Variants in GRM7 observed in about 807,000 individuals in gnomAD.
GRM7 encodes the protein glutamate metabotropic receptor 7, also known as metabotropic glutamate receptor 7.
Under a neutral mutation model 84.5 loss-of-function variants are expected in GRM7, and 35 were observed. The observed-to-expected ratio is 0.41, with a 90% CI of 0.32 to 0.55. The LOEUF is 0.55. Ranked by LOEUF, GRM7 falls within the 20% of genes least tolerant of loss-of-function variation. GRM7 has a pLI of 0.19. For missense variants in GRM7, 1,003 were observed against 1,194.6 expected, an observed-to-expected ratio of 0.84 and a Z score of 2.36; for synonymous variants, 487 against 455.1, an observed-to-expected ratio of 1.07 and a Z score of -0.89.
Position 7,440,231 on chromosome 3 carries a change from C to T in GRM7, c.1175-12376C>T, listed in dbSNP as rs150016346. ...TTGAGCCTAGGAAAATGCAGGTGAACTTTGGAAGTGAATTCAAGTGTAAAG... is the reference window on the plus strand; with the variant it reads ...TTGAGCCTAGGAAAATGCAGGTGAATTTTGGAAGTGAATTCAAGTGTAAAG... On this transcript the variant is annotated intron_variant, in intron 5 of 9. Coordinates refer to ENST00000357716, the MANE Select transcript of GRM7 (RefSeq NM_000844.4). Among the ~76,000 whole-genome samples the T allele has an allele frequency of 4.6e-4, 70 of 152,234 alleles. 1 individual carries two copies. In the East Asian group the frequency reaches 0.013, roughly 29 times the overall value.
At chr3:6,948,354 G>A (rs1487665608) in intron 1 of GRM7, among the ~76,000 whole-genome samples, 1 of 152,208 alleles carries the variant, frequency 6.6e-6, no homozygotes, top group Non-Finnish European at 1.5e-5. Flanking sequence ...TTCCCATGTA[G>A]CTGAGCGGTT....
intron 1 of GRM7, among the ~76,000 whole-genome samples, chr3:7,096,117 T>C (rs559105616): frequency 1.6e-4 from 25 of 152,242 alleles, no homozygotes; most frequent in African/African-American, 6.0e-4. Context: ...AGTGAAAATA[T>C]TCTGCTCTCC....
chr3:7,307,986 G>A (rs373957648), intron 4 of GRM7, among the ~76,000 whole-genome samples: 1 of 152,278 alleles, frequency 6.6e-6, no homozygotes, highest in South Asian at 2.1e-4. Context: ...TAGGGTGGTG[G>A]TGATATGGTT....
intron 9 of GRM7, among the ~76,000 whole-genome samples, chr3:7,697,446 C>T (rs558659362): frequency 1.3e-5 from 2 of 152,040 alleles, no homozygotes; most frequent in African/African-American, 2.4e-5. Flanking sequence ...GTTTTAGAAC[C>T]CGTTCTGATC....
intron 2 of GRM7, among the ~76,000 whole-genome samples, chr3:7,148,558 C>G (rs999659820): frequency 6.6e-6 from 1 of 152,118 alleles, no homozygotes; most frequent in African/African-American, 2.4e-5. Context: ...AATGTTTGCT[C>G]TGGGTCTTTA....
chr3:6,927,487 A>T (rs745456274), intron 1 of GRM7, among the ~76,000 whole-genome samples: 21 of 117,506 alleles, frequency 1.8e-4, no homozygotes, highest in South Asian at 1.5e-3. Context: ...GAAAGAAAGA[A>T]AGAAAGAAAG....
intron 9 of GRM7, among the ~76,000 whole-genome samples, chr3:7,688,930 C>G (rs1700688788): frequency 6.6e-6 from 1 of 152,218 alleles, no homozygotes. Context: ...TCTCAGGTGA[C>G]AAACACTCTC....
At chr3:7,136,547 C>G (rs376430123) in intron 1 of GRM7, among the ~76,000 whole-genome samples, 1 of 146,422 alleles carries the variant, frequency 6.8e-6, no homozygotes, top group African/African-American at 2.7e-5. Flanking sequence ...AAAAGTATGC[C>G]GAGGAAAAGA....
intron 4 of GRM7, among the ~76,000 whole-genome samples, chr3:7,399,889 A>G (rs1695375603): frequency 6.6e-6 from 1 of 152,160 alleles, no homozygotes; most frequent in South Asian, 2.1e-4. Flanking sequence ...CTGAAGAACC[A>G]TGAGCCAAAT....
At chr3:7,136,468 G>T (rs1693775505) in intron 1 of GRM7, among the ~76,000 whole-genome samples, 1 of 151,958 alleles carries the variant, frequency 6.6e-6, no homozygotes, top group African/African-American at 2.4e-5. Flanking sequence ...CTTCCTAAAT[G>T]ACTTCCTTGG....
intron 2 of GRM7, among the ~76,000 whole-genome samples, chr3:7,176,999 A>C (rs1303978357): frequency 6.6e-6 from 1 of 152,224 alleles, no homozygotes; most frequent in Non-Finnish European, 1.5e-5. Context: ...GTACAAACTA[A>C]GTTCCAGCCA....
intron 1 of GRM7, among the ~76,000 whole-genome samples, chr3:7,030,888 T>C (rs1247269437): frequency 6.6e-6 from 1 of 152,216 alleles, no homozygotes; most frequent in East Asian, 1.9e-4. Context: ...AGAATTAAGT[T>C]TACTAAAACT....
intron 9 of GRM7, among the ~76,000 whole-genome samples, chr3:7,727,630 A>G (rs1370957926): frequency 6.6e-6 from 1 of 152,198 alleles, no homozygotes; most frequent in Non-Finnish European, 1.5e-5. Context: ...CCTATGTATG[A>G]GAAGTGACTT....
chr3:7,731,247 G>C (rs750333232), intron 9 of GRM7, among the ~76,000 whole-genome samples: 6 of 152,010 alleles, frequency 3.9e-5, no homozygotes, highest in Non-Finnish European at 7.4e-5. Flanking sequence ...AATCTGATGA[G>C]TTATAATAAG....
intron 1 of GRM7, among the ~76,000 whole-genome samples, chr3:7,092,425 A>C (rs879355305): frequency 6.6e-6 from 1 of 152,154 alleles, no homozygotes; most frequent in Non-Finnish European, 1.5e-5. Context: ...GTCTCGGGCA[A>C]TTGACAATCA....
chr3:7,225,027 A>G (rs1020121763), intron 2 of GRM7, among the ~76,000 whole-genome samples: 2 of 152,152 alleles, frequency 1.3e-5, no homozygotes, highest in Non-Finnish European at 2.9e-5. Flanking sequence ...GCTATTTAAT[A>G]TAATATTTAG....
chr3:7,441,472 TGTGTAGAAGCTCTTTAGTATA>T (rs1697284165), intron 5 of GRM7, among the ~76,000 whole-genome samples: 1 of 152,200 alleles, frequency 6.6e-6, no homozygotes, highest in African/African-American at 2.4e-5. Flanking sequence ...TTTCTTTTGC[TGTGTAGAAGCTCTTTAGTATA>T]AATAGGTCAC....
At chr3:7,461,493 C>A (rs964295004) in intron 6 of GRM7, 90 bp from the exon 7 acceptor site, 100 of 1,090,320 alleles carry the variant, frequency 9.2e-5, no homozygotes, top group Middle Eastern at 5.3e-4. Context: ...CCTTTCTCCT[C>A]GTTAAGTCTC....
chr3:6,889,925 A>G (rs1695864907), intron 1 of GRM7, among the ~76,000 whole-genome samples: 1 of 152,182 alleles, frequency 6.6e-6, no homozygotes, highest in Admixed American at 6.5e-5. Flanking sequence ...TTATTGGTTT[A>G]TTCAGAGATT....
Sources: allele counts gnomAD v4.1 joint callset (sites outside exome capture counted in the v4.1 genomes callset), GRCh38; gene constraint gnomAD v4.1.1; transcripts MANE v1.5; gene names NCBI Gene and HGNC (gene_info 2026-07-23, HGNC 2026-07-21).